Variants in CFTR observed in about 807,000 individuals in gnomAD.
The protein encoded by CFTR is cystic fibrosis transmembrane conductance regulator.
CFTR carries 181 observed loss-of-function variants against 171.6 expected under a neutral mutation model. The ratio of observed to expected loss-of-function variants is 1.05; its 90% CI spans 0.93 to 1.19. CFTR has a LOEUF of 1.19. Among genes scored for constraint, CFTR ranks in the 50% most tolerant of loss-of-function variants. The probability of loss-of-function intolerance (pLI) is 0.00; values close to 1 mark genes in which losing one functional copy is unlikely to be tolerated. For missense variants in CFTR, 1,968 were observed against 1,734.7 expected (o/e 1.13, Z -2.39); for synonymous variants, 583 against 608.0 (o/e 0.96, Z 0.60).
In CFTR at chr7:117,602,759, A is replaced by T. The variant is rs896078218; in HGVS notation, c.2620-67A>T. 57 of 1,222,080 alleles carry T rather than the reference A, an allele frequency of 4.7e-5. 1 individual carries two copies. In the South Asian group the frequency reaches 6.8e-4, roughly 15 times the overall value. The allele number at this position is 1,222,080 out of a possible 1,614,324, so 75.7% of individuals were successfully genotyped here. A position where few individuals can be genotyped will look rare whatever the true frequency, so the allele number is the denominator to read the frequency against. On this transcript the variant is annotated intron_variant, in intron 15 of 26. Transcript: ENST00000003084. Reference sequence around the variant, plus strand: ...ATCAAATGGTGTGATGTGAATTTAGATGTGGGCATGGGAGGAATAGGTGAA... The same window carrying T: ...ATCAAATGGTGTGATGTGAATTTAGTTGTGGGCATGGGAGGAATAGGTGAA...
chr7:117,596,519 C>G (rs1446363037), intron 15 of CFTR, among the ~76,000 whole-genome samples: 1 of 152,264 alleles, frequency 6.6e-6, no homozygotes, highest in Non-Finnish European at 1.5e-5. Context: ...GGCTGGCAGG[C>G]AGCTCCACCT....
chr7:117,654,518 T>C (rs1184300454), intron 24 of CFTR, among the ~76,000 whole-genome samples: 4 of 152,126 alleles, frequency 2.6e-5, no homozygotes, highest in Middle Eastern at 3.2e-3. Flanking sequence ...GGGAGGGACC[T>C]GGTGAGAGGT....
chr7:117,500,343 A>G (rs1367971042), intron 1 of CFTR, among the ~76,000 whole-genome samples: 5 of 139,696 alleles, frequency 3.6e-5, no homozygotes, highest in Non-Finnish European at 7.5e-5. Flanking sequence ...CTGGAGTGCA[A>G]TGGCACAATC....
intron 24 of CFTR, among the ~76,000 whole-genome samples, chr7:117,657,677 T>C (rs925132040): frequency 1.3e-5 from 2 of 152,216 alleles, no homozygotes; most frequent in African/African-American, 4.8e-5. Context: ...CCAGGATGTA[T>C]GTCATCTCAC....
At chr7:117,556,512 CTTTTTTTTTTTTTTTT>C (rs55700428) in intron 10 of CFTR, among the ~76,000 whole-genome samples, 2 of 45,906 alleles carry the variant, frequency 4.4e-5, no homozygotes, top group Non-Finnish European at 7.2e-5. Context: ...TGTTTCATTT[CTTTTTTTTTTTTTTTT>C]TTTTTTTTTG....
chr7:117,648,019 T>C (rs1237843912), intron 23 of CFTR, among the ~76,000 whole-genome samples: 1 of 148,414 alleles, frequency 6.7e-6, no homozygotes, highest in Non-Finnish European at 1.5e-5. Flanking sequence ...TGTGTGTGTG[T>C]GTGTGTATAT....
At chr7:117,554,429 A>T (rs549514541) in intron 10 of CFTR, among the ~76,000 whole-genome samples, 41 of 152,290 alleles carry the variant, frequency 2.7e-4, no homozygotes, top group African/African-American at 9.4e-4. Context: ...TACTAGAAAG[A>T]TAATGGGAGA....
chr7:117,603,510 C>G (rs754436302), intron 16 of CFTR, 22 bp from the exon 17 acceptor site: 2 of 1,613,542 alleles, frequency 1.2e-6, no homozygotes, highest in Non-Finnish European at 1.7e-6. Flanking sequence ...TGCCAAATAA[C>G]GATTTCCTAT....
At chr7:117,495,799 G>A (rs1798227319) in intron 1 of CFTR, among the ~76,000 whole-genome samples, 1 of 152,130 alleles carries the variant, frequency 6.6e-6, no homozygotes, top group Non-Finnish European at 1.5e-5. Context: ...AAAATCAAAT[G>A]TTTAGTAAAA....
chr7:117,538,178 C>T (rs1473119275), intron 7 of CFTR, among the ~76,000 whole-genome samples: 1 of 152,138 alleles, frequency 6.6e-6, no homozygotes, highest in African/African-American at 2.4e-5. Context: ...GCAAGAGTTG[C>T]TCCTACTCAA....
In CFTR at chr7:117,627,583, A is replaced by C. The variant is rs777765549; in HGVS notation, c.3530A>C (p.Lys1177Thr). Reference sequence around the variant, plus strand: ...ATGCCAACAGAAGGTAAACCTACCAAGTCAACCAAACCATACAAGAATGGC... The same window carrying C: ...ATGCCAACAGAAGGTAAACCTACCACGTCAACCAAACCATACAAGAATGGC... ...IDMPTEGKPT[K>T]STKPYKNGQL... The change falls in exon 22 of 27, where the codon AAG (lysine) becomes ACG (threonine). Residue 1177 changes from lysine to threonine, a missense_variant. Coordinates refer to ENST00000003084, the MANE Select transcript of CFTR (RefSeq NM_000492.4). The C allele has an allele frequency of 6.2e-7, 1 of 1,613,398 alleles. No individual in the cohort carries two copies. The highest frequency in any genetic ancestry group is 2.2e-5 in the East Asian group (1 of 44,822).
At chr7:117,551,225 T>C (rs949730271) in intron 10 of CFTR, among the ~76,000 whole-genome samples, 4 of 152,196 alleles carry the variant, frequency 2.6e-5, no homozygotes, top group African/African-American at 9.6e-5. Flanking sequence ...AGTTCTATAA[T>C]GGCGTGTTAT....
intron 11 of CFTR, among the ~76,000 whole-genome samples, chr7:117,574,695 A>G (rs574264837): frequency 6.6e-6 from 1 of 152,184 alleles, no homozygotes; most frequent in East Asian, 1.9e-4. Flanking sequence ...TTCTTTCACA[A>G]AACCCCCAGC....
At chr7:117,507,447 G>A (rs768972971) in intron 2 of CFTR, among the ~76,000 whole-genome samples, 1 of 152,102 alleles carries the variant, frequency 6.6e-6, no homozygotes, top group Non-Finnish European at 1.5e-5. Context: ...CATTACTTCC[G>A]TGTGGACCAC....
intron 23 of CFTR, among the ~76,000 whole-genome samples, chr7:117,644,059 T>C (rs1236646132): frequency 6.7e-6 from 1 of 150,352 alleles, no homozygotes; most frequent in African/African-American, 2.5e-5. Context: ...CCCAAGTTTG[T>C]CTTTTTTTTT....
chr7:117,647,400 C>T (rs1280139072), intron 23 of CFTR: 1 of 152,098 alleles, frequency 6.6e-6, no homozygotes, highest in Admixed American at 6.6e-5. Context: ...TCTGAGGAGG[C>T]CTCAGGAAGT....
At chr7:117,499,337 T>C (rs1262484763) in intron 1 of CFTR, among the ~76,000 whole-genome samples, 2 of 151,738 alleles carry the variant, frequency 1.3e-5, no homozygotes, top group Non-Finnish European at 2.9e-5. Context: ...GTGATTATAA[T>C]TGGCAAGTTC....
chr7:117,570,066 G>A (rs1047066187), intron 11 of CFTR, among the ~76,000 whole-genome samples: 2 of 151,696 alleles, frequency 1.3e-5, no homozygotes, highest in African/African-American at 4.8e-5. Context: ...CTCCTCTCCT[G>A]GTGTCATAAG....
intron 21 of CFTR, among the ~76,000 whole-genome samples, chr7:117,623,436 T>C (rs1384168386): frequency 2.6e-5 from 4 of 152,212 alleles, no homozygotes; most frequent in Admixed American, 2.6e-4. Flanking sequence ...AATTGCTGAA[T>C]ATGAATTTCT....
Sources: gnomAD v4.1 joint callset for allele counts (sites outside exome capture counted in the v4.1 genomes callset) on GRCh38, gnomAD v4.1.1 for gene constraint, MANE v1.5 for transcripts, NCBI Gene and HGNC (gene_info 2026-07-23, HGNC 2026-07-21) for gene names.